Variants in NEK11 observed in about 807,000 individuals in gnomAD.
The protein encoded by NEK11 is serine/threonine-protein kinase Nek11.
Under a neutral mutation model 80.7 loss-of-function variants are expected in NEK11, and 72 were observed. The observed-to-expected ratio is 0.89, with a 90% CI of 0.74 to 1.08. The LOEUF is 1.08. Among genes scored for constraint, NEK11 ranks in the 50% least tolerant of loss-of-function variants. The probability of loss-of-function intolerance (pLI) is 0.00; values close to 1 mark genes in which losing one functional copy is unlikely to be tolerated. For synonymous variants in NEK11, 251 were observed against 260.7 expected (o/e 0.96, Z 0.36); for missense variants, 764 against 763.6 (o/e 1.00, Z -0.01).
At chr3:131,291,632 GATTT>G (rs1232351392) in intron 17 of NEK11, among the ~76,000 whole-genome samples, 1 of 152,134 alleles carries the variant, frequency 6.6e-6, no homozygotes, top group Non-Finnish European at 1.5e-5. Flanking sequence ...CAGTGTTCCA[GATTT>G]TAGTCATTCT....
At chr3:131,282,686 C>T (rs2108837182) in intron 17 of NEK11, among the ~76,000 whole-genome samples, 1 of 140,850 alleles carries the variant, frequency 7.1e-6, no homozygotes, top group East Asian at 1.9e-4. Flanking sequence ...GAAATTTCTC[C>T]TTCACTTTCA....
intron 5 of NEK11, among the ~76,000 whole-genome samples, chr3:131,112,599 G>A (rs1269551356): frequency 1.3e-5 from 2 of 152,108 alleles, no homozygotes; most frequent in Non-Finnish European, 2.9e-5. Flanking sequence ...TGATAAAAGG[G>A]CCAAGAAAAG....
At chr3:131,169,055 A>G in intron 13 of NEK11, 118 bp downstream of exon 13, 2 of 624,036 alleles carry the variant, frequency 3.2e-6, no homozygotes, top group Non-Finnish European at 5.5e-6. Flanking sequence ...AGGGTTTTAA[A>G]TGTAGCAGGA....
intron 14 of NEK11, among the ~76,000 whole-genome samples, chr3:131,185,352 G>C (rs2093556602): frequency 6.6e-6 from 1 of 152,112 alleles, no homozygotes; most frequent in Non-Finnish European, 1.5e-5. Flanking sequence ...ATGCAGGTCT[G>C]ACACCTGTGA....
At chr3:131,276,628 A>G (rs1359578121) in intron 17 of NEK11, among the ~76,000 whole-genome samples, 1 of 151,922 alleles carries the variant, frequency 6.6e-6, no homozygotes, top group Non-Finnish European at 1.5e-5. Context: ...ATATACATAT[A>G]CACTTATAAA....
intron 17 of NEK11, among the ~76,000 whole-genome samples, chr3:131,292,840 TG>T (rs999524813): frequency 2.0e-5 from 3 of 152,088 alleles, no homozygotes; most frequent in Admixed American, 2.0e-4. Context: ...TGTTTCATTT[TG>T]GGGGGGTGCT....
At chr3:131,295,928 C>T (rs932242515) in intron 17 of NEK11, among the ~76,000 whole-genome samples, 1 of 152,102 alleles carries the variant, frequency 6.6e-6, no homozygotes, top group Admixed American at 6.6e-5. Flanking sequence ...CAGCCCTGAC[C>T]TCCTGGGCTC....
At chr3:131,157,669 CTG>C (rs766375897) in intron 10 of NEK11, among the ~76,000 whole-genome samples, 7 of 152,080 alleles carry the variant, frequency 4.6e-5, no homozygotes, top group Admixed American at 3.9e-4. Context: ...GAGGAAACAA[CTG>C]AGAGTGGTTG....
intron 16 of NEK11, among the ~76,000 whole-genome samples, chr3:131,265,527 G>A (rs771428610): frequency 6.6e-6 from 1 of 152,058 alleles, no homozygotes; most frequent in Non-Finnish European, 1.5e-5. Flanking sequence ...TTATTGATTT[G>A]CCTAAGTTTA....
intron 17 of NEK11, among the ~76,000 whole-genome samples, chr3:131,318,002 C>T (rs1194076419): frequency 6.6e-6 from 1 of 152,124 alleles, no homozygotes; most frequent in Non-Finnish European, 1.5e-5. Context: ...CCAACTTAAG[C>T]CCATTTCCTG....
chr3:131,117,493 T>C (rs528268496), intron 5 of NEK11, among the ~76,000 whole-genome samples: 1 of 152,342 alleles, frequency 6.6e-6, no homozygotes, highest in African/African-American at 2.4e-5. Flanking sequence ...TTTAGTTTTT[T>C]TTTCCCAATT....
chr3:131,080,833 G>A lies in NEK11; in HGVS notation c.336+245G>A, dbSNP rs574653605. Among the ~76,000 whole-genome samples the A allele has an allele frequency of 5.3e-5, 8 of 152,310 alleles. No homozygotes were observed. The East Asian group carries it at 1.5e-3, about 29-fold the overall frequency. On this transcript the variant is annotated intron_variant, in intron 4 of 17. Transcript: ENST00000383366. ...AGAATATATTTTAAGGTGGAGGCCA[G>A]GTGTGGTGGCTCATACTTGTAATCC...
At chr3:131,047,574 C>CTGGGCTCTGGACTGCTAG (rs1283241985) in intron 3 of NEK11, among the ~76,000 whole-genome samples, 8 of 152,334 alleles carry the variant, frequency 5.3e-5, no homozygotes, top group Non-Finnish European at 1.0e-4. Flanking sequence ...AGCAGAGCTA[C>CTGGGCTCTGGACTGCTAG]TGGGCTCTGG....
At chr3:131,314,653 T>C (rs2109512387) in intron 17 of NEK11, among the ~76,000 whole-genome samples, 1 of 152,270 alleles carries the variant, frequency 6.6e-6, no homozygotes, top group East Asian at 1.9e-4. Flanking sequence ...GCTGAAAAAC[T>C]GGCACAACTT....
intron 14 of NEK11, among the ~76,000 whole-genome samples, chr3:131,219,415 G>T (rs1207353347): frequency 1.3e-5 from 2 of 152,052 alleles, no homozygotes; most frequent in Non-Finnish European, 2.9e-5. Context: ...CTAGGGGAGG[G>T]ACAGCATTAG....
chr3:131,243,137 T>A (rs1397504007), intron 15 of NEK11, among the ~76,000 whole-genome samples: 1 of 152,176 alleles, frequency 6.6e-6, no homozygotes, highest in East Asian at 1.9e-4. Flanking sequence ...GGAAAAGACA[T>A]AAGCACACGA....
intron 13 of NEK11, among the ~76,000 whole-genome samples, chr3:131,169,555 C>A (rs111562195): frequency 2.0e-5 from 3 of 152,230 alleles, no homozygotes; most frequent in African/African-American, 7.2e-5. Flanking sequence ...TCTAAAGAAT[C>A]ACAGCTTAAA....
At chr3:131,249,863 G>A (rs1396237005) in intron 16 of NEK11, among the ~76,000 whole-genome samples, 1 of 152,048 alleles carries the variant, frequency 6.6e-6, no homozygotes, top group Non-Finnish European at 1.5e-5. Flanking sequence ...TGAACATGTA[G>A]CAATGCAGTA....
chr3:131,249,102 G>GA (rs1388242026), intron 16 of NEK11, among the ~76,000 whole-genome samples: 1 of 150,870 alleles, frequency 6.6e-6, no homozygotes, highest in Non-Finnish European at 1.5e-5. Flanking sequence ...GACAAAAAAG[G>GA]AAAAAAGCTA....
Sources: allele counts gnomAD v4.1 joint callset (sites outside exome capture counted in the v4.1 genomes callset), GRCh38; gene constraint gnomAD v4.1.1; transcripts MANE v1.5; gene names NCBI Gene and HGNC (gene_info 2026-07-23, HGNC 2026-07-21).